ST8SIA6: variants seen among roughly 807,000 people sequenced by gnomAD.
The protein encoded by ST8SIA6 is alpha-2,8-sialyltransferase 8F.
A neutral mutation model predicts 33.6 loss-of-function variants in ST8SIA6; 39 were observed. The observed-to-expected ratio is 1.16, with a 90% CI of 0.90 to 1.52. The LOEUF (loss-of-function observed/expected upper bound fraction) is 1.52, where lower values mean the gene tolerates loss of function less well. Among genes scored for constraint, ST8SIA6 ranks in the 40% most tolerant of loss-of-function variants. The pLI is 0.00. For missense variants in ST8SIA6, 441 were observed against 443.8 expected, an observed-to-expected ratio of 0.99 and a Z score of 0.06; for synonymous variants, 172 against 167.2, an observed-to-expected ratio of 1.03 and a Z score of -0.22.
intron 2 of ST8SIA6, among the ~76,000 whole-genome samples, chr10:17,410,931 T>C (rs1390554184): frequency 6.6e-6 from 1 of 152,228 alleles, no homozygotes; most frequent in Non-Finnish European, 1.5e-5. Flanking sequence ...CCAAATTTAC[T>C]GTGCTTAGGT....
At chr10:17,334,986 G>T (rs968339261) in intron 4 of ST8SIA6, among the ~76,000 whole-genome samples, 1 of 152,160 alleles carries the variant, frequency 6.6e-6, no homozygotes, top group Admixed American at 6.6e-5. Flanking sequence ...TTTGCACAAC[G>T]AAACTATGTT....
intron 4 of ST8SIA6, among the ~76,000 whole-genome samples, chr10:17,349,330 C>T (rs927360963): frequency 6.6e-6 from 1 of 152,164 alleles, no homozygotes; most frequent in African/African-American, 2.4e-5. Flanking sequence ...AGCATTATTG[C>T]TCCATCACAG....
At position 17,443,426 on chromosome 10, in the gene ST8SIA6, A is replaced by G. The variant is rs558176409; in HGVS notation, c.200+10133T>C. Among the ~76,000 whole-genome samples the G allele has an allele frequency of 8.5e-5, 13 of 152,362 alleles. No individual in the cohort carries two copies. The East Asian group carries it at 2.1e-3, about 25-fold the overall frequency. ...AATTAATGGTCTCTTTACAACCTCA[A>G]TTTCTGGGAATGCTGCATTTAAAAA... On this transcript the variant is annotated intron_variant, in intron 2 of 7. Transcript: ENST00000377602.
chr10:17,330,256 T>G (rs1848253611), intron 5 of ST8SIA6, among the ~76,000 whole-genome samples: 1 of 152,220 alleles, frequency 6.6e-6, no homozygotes, highest in Admixed American at 6.5e-5. Context: ...GTAAAGCAGT[T>G]GCTGCTCCTC....
At chr10:17,432,437 T>C (rs1205476795) in intron 2 of ST8SIA6, among the ~76,000 whole-genome samples, 1 of 152,240 alleles carries the variant, frequency 6.6e-6, no homozygotes, top group Admixed American at 6.5e-5. Flanking sequence ...TTTGCCGTGA[T>C]GTAATGCGTA....
chr10:17,334,030 A>T (rs1476499326), intron 4 of ST8SIA6, among the ~76,000 whole-genome samples: 2 of 148,210 alleles, frequency 1.3e-5, no homozygotes, highest in African/African-American at 2.5e-5. Context: ...TTTTTTTTTT[A>T]AATCTCACTA....
chr10:17,319,608 A>G lies in ST8SIA6; in HGVS notation c.*1270T>C, dbSNP rs113292066. Among the ~76,000 whole-genome samples the G allele has an allele frequency of 0.011, 1,683 of 152,314 alleles. 15 individuals carry two copies. The highest frequency in any genetic ancestry group is 0.026 in the African/African-American group (1,073 of 41,554). The stretch of plus-strand genomic sequence containing the variant: ...ACCATTTGGAATATTTCTGAAATCC[A>G]TATCAGTGATACTAGAGATTCTGTT... On this transcript the variant is annotated 3_prime_UTR_variant, in exon 8 of 8. Coordinates refer to ENST00000377602, the MANE Select transcript of ST8SIA6 (RefSeq NM_001004470.3).
At chr10:17,376,562 A>G (rs1031892671) in intron 3 of ST8SIA6, among the ~76,000 whole-genome samples, 2 of 152,184 alleles carry the variant, frequency 1.3e-5, no homozygotes, top group Non-Finnish European at 2.9e-5. Flanking sequence ...CTGGGTCAGC[A>G]CCTCTAAGTA....
intron 2 of ST8SIA6, among the ~76,000 whole-genome samples, chr10:17,414,729 A>G (rs1475302081): frequency 1.3e-5 from 2 of 152,180 alleles, no homozygotes; most frequent in Non-Finnish European, 2.9e-5. Flanking sequence ...TTATAAAGAC[A>G]CCAGCCCTAT....
intron 3 of ST8SIA6, among the ~76,000 whole-genome samples, chr10:17,363,666 A>G (rs1368806045): frequency 2.0e-5 from 3 of 152,206 alleles, no homozygotes; most frequent in African/African-American, 7.2e-5. Context: ...CTAAGCTTTC[A>G]GGAATGTTGT....
In ST8SIA6 at chr10:17,317,675, C is replaced by T. The variant is rs147462439; in HGVS notation, c.*3203G>A. Among the ~76,000 whole-genome samples the T allele has an allele frequency of 6.6e-5, 10 of 152,246 alleles. No homozygotes were observed. Among genetic ancestry groups the T allele is most frequent in the East Asian group, 1.9e-4 (1 of 5,186 alleles). On this transcript the variant is annotated 3_prime_UTR_variant, in exon 8 of 8. Transcript: ENST00000377602. Reference sequence around the variant, plus strand: ...GCTTCCTAATTCATGGAGTGATTTACGGTACTTGACATTACATAATACTTA... The same window carrying T: ...GCTTCCTAATTCATGGAGTGATTTATGGTACTTGACATTACATAATACTTA...
At chr10:17,382,529 G>C (rs1850188216) in intron 3 of ST8SIA6, among the ~76,000 whole-genome samples, 1 of 152,300 alleles carries the variant, frequency 6.6e-6, no homozygotes, top group East Asian at 1.9e-4. Flanking sequence ...GCCTCCCAAA[G>C]TGCTGGGATT....
chr10:17,333,698 T>TAG (rs1564404939), intron 4 of ST8SIA6, among the ~76,000 whole-genome samples: 10 of 25,706 alleles, frequency 3.9e-4, no homozygotes, highest in African/African-American at 1.7e-3. Context: ...TATATATATA[T>TAG]ATATATATAT....
At chr10:17,404,064 C>CAAAAAA (rs964237726) in intron 2 of ST8SIA6, among the ~76,000 whole-genome samples, 4 of 56,588 alleles carry the variant, frequency 7.1e-5, no homozygotes, top group African/African-American at 1.2e-4. Context: ...GACACTGTCT[C>CAAAAAA]AAAAAAAAAA....
intron 4 of ST8SIA6, among the ~76,000 whole-genome samples, chr10:17,340,683 T>C (rs1417055632): frequency 6.6e-6 from 1 of 152,224 alleles, no homozygotes; most frequent in Admixed American, 6.5e-5. Flanking sequence ...CACCAAAAAT[T>C]TATTTCCAGC....
chr10:17,407,422 A>G (rs901906006), intron 2 of ST8SIA6, among the ~76,000 whole-genome samples: 1 of 152,120 alleles, frequency 6.6e-6, no homozygotes, highest in Admixed American at 6.5e-5. Flanking sequence ...TTTTCTGACC[A>G]TGTGTCCTAA....
chr10:17,324,964 A>G (rs1848077783), intron 6 of ST8SIA6, among the ~76,000 whole-genome samples: 1 of 145,360 alleles, frequency 6.9e-6, no homozygotes, highest in African/African-American at 2.5e-5. Context: ...CATAATGTGT[A>G]TATAATATGT....
At chr10:17,359,627 G>A in intron 3 of ST8SIA6, 27 bp from the exon 4 acceptor site, 1 of 1,392,584 alleles carries the variant, frequency 7.2e-7, no homozygotes, top group Non-Finnish European at 1.0e-6. Context: ...AATATAATTA[G>A]AAAATAATGA....
At chr10:17,340,561 TCC>T (rs1848641580) in intron 4 of ST8SIA6, among the ~76,000 whole-genome samples, 1 of 152,136 alleles carries the variant, frequency 6.6e-6, no homozygotes, top group Non-Finnish European at 1.5e-5. Flanking sequence ...CCCCTTCCCC[TCC>T]CTTGTTCAGG....
Sources: allele counts gnomAD v4.1 joint callset (sites outside exome capture counted in the v4.1 genomes callset), GRCh38; gene constraint gnomAD v4.1.1; transcripts MANE v1.5; gene names NCBI Gene and HGNC (gene_info 2026-07-23, HGNC 2026-07-21).